Variants in CTNND2 observed in about 807,000 individuals in gnomAD.
The protein encoded by CTNND2 is catenin delta-2.
In CTNND2, 22 loss-of-function variants were observed where a neutral mutation model predicts 144.4. The observed-to-expected ratio is 0.15, with a 90% CI of 0.11 to 0.22. The LOEUF is 0.22. CTNND2 is among the 10% of genes least tolerant of loss of function. The pLI, the probability that CTNND2 is intolerant of heterozygous loss-of-function variation, is 1.00. For synonymous variants in CTNND2, 751 were observed against 695.6 expected (o/e 1.08, Z -1.25); for missense variants, 1,353 against 1,618.8 (o/e 0.84, Z 2.82).
At chr5:11,498,910 G>A (rs1331690917) in intron 3 of CTNND2, among the ~76,000 whole-genome samples, 1 of 152,128 alleles carries the variant, frequency 6.6e-6, no homozygotes, top group Non-Finnish European at 1.5e-5. Flanking sequence ...CTAAGATCTG[G>A]ATGTGTGTTT....
At chr5:11,501,948 A>T (rs1180531037) in intron 3 of CTNND2, among the ~76,000 whole-genome samples, 1 of 150,462 alleles carries the variant, frequency 6.6e-6, no homozygotes, top group Admixed American at 6.6e-5. Context: ...GAATGGTGTG[A>T]ACCCAGCAGA....
chr5:11,272,372 A>T (rs565052883), intron 9 of CTNND2, among the ~76,000 whole-genome samples: 117 of 152,134 alleles, frequency 7.7e-4, no homozygotes, highest in African/African-American at 2.7e-3. Context: ...AGTCTAGGAA[A>T]TTTTTTTTGA....
At chr5:11,453,997 T>C (rs1369623435) in intron 3 of CTNND2, among the ~76,000 whole-genome samples, 1 of 152,198 alleles carries the variant, frequency 6.6e-6, no homozygotes, top group Non-Finnish European at 1.5e-5. Context: ...TTATAGGATT[T>C]CACATATTTA....
chr5:11,139,537 G>A (rs1580396106), intron 12 of CTNND2, among the ~76,000 whole-genome samples: 2 of 152,316 alleles, frequency 1.3e-5, no homozygotes. Flanking sequence ...GAAGAGCCTG[G>A]GTTGAAAGGG....
intron 2 of CTNND2, among the ~76,000 whole-genome samples, chr5:11,603,536 C>T (rs998160691): frequency 5.9e-5 from 9 of 152,024 alleles, no homozygotes; most frequent in African/African-American, 2.2e-4. Flanking sequence ...GACTAGAGGC[C>T]TCAAAGGAAT....
chr5:11,081,067 C>A (rs2061893223), intron 16 of CTNND2, among the ~76,000 whole-genome samples: 1 of 132,362 alleles, frequency 7.6e-6, no homozygotes, highest in African/African-American at 3.1e-5. Context: ...ACACATGAGA[C>A]CCTGTCACAC....
intron 9 of CTNND2, among the ~76,000 whole-genome samples, chr5:11,251,980 A>G (rs979105599): frequency 6.6e-6 from 1 of 152,216 alleles, no homozygotes; most frequent in African/African-American, 2.4e-5. Context: ...GGAAAACATC[A>G]GCATTTAGAA....
At chr5:11,688,246 A>T (rs920349925) in intron 2 of CTNND2, among the ~76,000 whole-genome samples, 10 of 152,084 alleles carry the variant, frequency 6.6e-5, no homozygotes, top group African/African-American at 2.4e-4. Context: ...GGACATCTGA[A>T]ACCTCTATTA....
intron 2 of CTNND2, among the ~76,000 whole-genome samples, chr5:11,628,968 T>C (rs1029084673): frequency 6.6e-6 from 1 of 152,158 alleles, no homozygotes; most frequent in Non-Finnish European, 1.5e-5. Flanking sequence ...ATAGACTAAT[T>C]TGTGAGATAA....
At chr5:11,879,339 G>GTATA (rs368634452) in intron 1 of CTNND2, among the ~76,000 whole-genome samples, 43,616 of 101,006 alleles carry the variant, frequency 0.43, 11,411 homozygotes, top group East Asian at 0.71. Flanking sequence ...AATTAAATGT[G>GTATA]TGTATATATA....
chr5:11,080,751 C>T (rs113872727), intron 16 of CTNND2, among the ~76,000 whole-genome samples: 1,857 of 152,288 alleles, frequency 0.012, 43 homozygotes, highest in African/African-American at 0.043. Context: ...CATGATCTCA[C>T]TTAAATGTAG....
In CTNND2 at chr5:11,346,414, A is replaced by G. The variant is rs767193966; in HGVS notation, c.1586T>C (p.Leu529Ser). The change falls in exon 9 of 22, where the codon TTG becomes TCG. Residue 529 changes from leucine (L) to serine (S), a missense_variant. Physicochemically the swap from Leu to Ser is moderately radical, Grantham distance 145 (BLOSUM62 -2). Transcript: ENST00000304623. ...SGPALPPEGT[L>S]ARSPSIDSIQ... is the part of the protein sequence containing the mutation. Reference sequence around the variant, plus strand: ...GCTATCAATGGACGGGGACCTGGCCAAGGTGCCTTCAGGCGGGAGAGCAGG... The same window carrying G: ...GCTATCAATGGACGGGGACCTGGCCGAGGTGCCTTCAGGCGGGAGAGCAGG... 2.6e-6 allele frequency: 4 copies of G among 1,528,420 alleles called. No individual in the cohort carries two copies. The highest frequency in any genetic ancestry group is 1.3e-5 in the South Asian group (1 of 79,422). 94.7% of individuals were successfully genotyped at this position (1,528,420 alleles called of 1,614,324 possible).
intron 3 of CTNND2, among the ~76,000 whole-genome samples, chr5:11,474,804 T>A (rs1276599597): frequency 2.6e-5 from 4 of 152,228 alleles, no homozygotes. Flanking sequence ...GCACAGCAAG[T>A]TGCCTCTTGC....
chr5:11,451,572 T>C (rs1765320130), intron 3 of CTNND2, among the ~76,000 whole-genome samples: 1 of 152,228 alleles, frequency 6.6e-6, no homozygotes, highest in Non-Finnish European at 1.5e-5. Context: ...GTAAGTATAG[T>C]GTCAATATTC....
chr5:11,221,900 G>T (rs149313589), intron 10 of CTNND2, among the ~76,000 whole-genome samples: 1 of 152,138 alleles, frequency 6.6e-6, no homozygotes, highest in Non-Finnish European at 1.5e-5. Context: ...CAAAAGAAAT[G>T]ACCAGAATGC....
At chr5:11,634,170 C>T (rs1235131751) in intron 2 of CTNND2, among the ~76,000 whole-genome samples, 2 of 152,190 alleles carry the variant, frequency 1.3e-5, no homozygotes, top group African/African-American at 4.8e-5. Flanking sequence ...ACTATATACT[C>T]ATCAGAAAGA....
chr5:11,895,221 T>C (rs565098162), intron 1 of CTNND2, among the ~76,000 whole-genome samples: 2 of 152,306 alleles, frequency 1.3e-5, no homozygotes, highest in East Asian at 3.9e-4. Flanking sequence ...CACACAGTGA[T>C]CCTGGAGTCT....
intron 2 of CTNND2, among the ~76,000 whole-genome samples, chr5:11,571,364 C>A (rs1041516501): frequency 1.3e-5 from 2 of 152,090 alleles, no homozygotes; most frequent in Non-Finnish European, 2.9e-5. Flanking sequence ...GCAGAATCCC[C>A]TGAAAAGGCT....
chr5:11,886,976 T>C (rs1276129212), intron 1 of CTNND2, among the ~76,000 whole-genome samples: 2 of 66,052 alleles, frequency 3.0e-5, no homozygotes, highest in South Asian at 1.0e-3. Context: ...ATCCTACTGC[T>C]TTTTTTTTTT....
Sources: allele counts gnomAD v4.1 joint callset (sites outside exome capture counted in the v4.1 genomes callset), GRCh38; gene constraint gnomAD v4.1.1; transcripts MANE v1.5; gene names NCBI Gene and HGNC (gene_info 2026-07-23, HGNC 2026-07-21).